Variants in MVK observed in about 807,000 individuals in gnomAD.
MVK encodes mevalonate kinase.
Under a neutral mutation model 43.2 loss-of-function variants are expected in MVK, and 34 were observed. The ratio of observed to expected loss-of-function variants is 0.79; its 90% CI spans 0.60 to 1.05. The LOEUF is 1.05. MVK is among the 50% of genes least tolerant of loss of function. The pLI is 0.00. For synonymous variants in MVK, 190 were observed against 219.8 expected, an observed-to-expected ratio of 0.86 and a Z score of 1.20; for missense variants, 395 against 504.0, an observed-to-expected ratio of 0.78 and a Z score of 2.07.
Position 109,587,998 on chromosome 12 carries a change from C to A in MVK, c.677+1199C>A, listed in dbSNP as rs1334920579. The A allele has an allele frequency of 2.9e-5, 3 of 105,026 alleles. No individual in the cohort carries two copies. The East Asian group carries it at 7.9e-4, about 28-fold the overall frequency. 6.5% of individuals were successfully genotyped at this position (105,026 alleles called of 1,614,324 possible). A position where few individuals can be genotyped will look rare whatever the true frequency, so the allele number is the denominator to read the frequency against. ...CCCTTGGGAGGCAGAATCACCCTTG[C>A]CGCCGACCTTTGCACTCCGCAGAAG... On this transcript the variant is annotated intron_variant, in intron 7 of 10. Coordinates refer to ENST00000228510, the MANE Select transcript of MVK (RefSeq NM_000431.4).
intron 7 of MVK, chr12:109,588,395 A>G (rs1046281921): frequency 5.3e-5 from 8 of 152,318 alleles, no homozygotes; most frequent in African/African-American, 1.9e-4. Context: ...CCCTGGAGCT[A>G]GAAAACTGAT....
chr12:109,594,515 A>G (rs775245915), intron 9 of MVK, among the ~76,000 whole-genome samples: 3 of 152,230 alleles, frequency 2.0e-5, no homozygotes, highest in Non-Finnish European at 4.4e-5. Flanking sequence ...AAGGGAATGT[A>G]TTGGCTCTCA....
In MVK at chr12:109,594,951, G is replaced by A. The variant is rs548149351; in HGVS notation, c.886-77G>A. On this transcript the variant is annotated intron_variant, in intron 9 of 10. Coordinates refer to ENST00000228510, the MANE Select transcript of MVK (RefSeq NM_000431.4). Reference sequence around the variant, plus strand: ...TCCAGCCAACAACTGTCAGATGGACGAGGCAGGCTCAGGGGTGGGCATAGG... The same window carrying A: ...TCCAGCCAACAACTGTCAGATGGACAAGGCAGGCTCAGGGGTGGGCATAGG... 689 of 1,586,506 alleles carry A rather than the reference G, an allele frequency of 4.3e-4. 1 individual carries two copies. The highest frequency in any genetic ancestry group is 1.2e-3 in the Middle Eastern group (7 of 6,008).
At position 109,574,794 on chromosome 12, in the gene MVK, G is replaced by T; in HGVS notation, c.-14-15G>T. The stretch of plus-strand genomic sequence containing the variant: ...TCTAGAGATCTTTGCTCTTCTCATT[G>T]GCTTTCCCTTTTAGGATTCCCAGGA... On this transcript the variant is annotated splice_polypyrimidine_tract_variant and intron_variant, in intron 1 of 10. Transcript: ENST00000228510. The T allele has an allele frequency of 6.4e-7, 1 of 1,571,034 alleles. No individual in the cohort carries two copies. Among genetic ancestry groups the T allele is most frequent in the Non-Finnish European group, 8.7e-7 (1 of 1,155,184 alleles).
intron 4 of MVK, 91 bp downstream of exon 4, chr12:109,580,037 G>A (rs1001860333): frequency 4.5e-6 from 7 of 1,571,194 alleles, no homozygotes; most frequent in Admixed American, 3.4e-5. Flanking sequence ...GAATGCACAT[G>A]CTCTCTTCTA....
At position 109,591,295 on chromosome 12, in the gene MVK, T is replaced by A; in HGVS notation, c.823T>A (p.Cys275Ser). Residue 275 changes from cysteine to serine, a missense_variant, in exon 9 of 11, where the codon TGT becomes AGT. By Grantham distance (112) the Cys-to-Ser change is moderately radical. Coordinates refer to ENST00000228510, the MANE Select transcript of MVK (RefSeq NM_000431.4). ...CTCAATAGATGCCATCTCCCTGGAG[T>A]GTGAGCGCGTGCTGGGAGAGATGGG... ...LTSIDAISLE[C>S]ERVLGEMGEA... 1 of 1,613,884 alleles carries A rather than the reference T, an allele frequency of 6.2e-7. No homozygotes were observed. The highest frequency in any genetic ancestry group is 1.1e-5 in the South Asian group (1 of 91,068).
rs946148392 is a variant in MVK, at chr12:109,581,320, G to A, written c.372-75G>A. ...ACCAGATGCTTGGAGTCAGGCCTGG[G>A]CCTGGCCCCTGGTTCAGTGCTGGCA... On this transcript the variant is annotated intron_variant, in intron 4 of 10. Coordinates refer to ENST00000228510, the MANE Select transcript of MVK (RefSeq NM_000431.4). The A allele has an allele frequency of 5.0e-6, 8 of 1,593,664 alleles. No individual in the cohort carries two copies. The African/African-American group carries it at 9.4e-5, about 19-fold the overall frequency.
intron 10 of MVK, 105 bp from the exon 11 acceptor site, chr12:109,596,321 G>A (rs1437519276): frequency 2.0e-6 from 3 of 1,507,948 alleles, no homozygotes; most frequent in Middle Eastern, 3.4e-4. Flanking sequence ...GTGGGTCACA[G>A]CCAGGAAGGC....
chr12:109,580,739 C>A (rs1028710205), intron 4 of MVK, among the ~76,000 whole-genome samples: 4 of 152,150 alleles, frequency 2.6e-5, no homozygotes, highest in Non-Finnish European at 5.9e-5. Context: ...TGAAGTTTGA[C>A]AGTTCTTGCT....
Position 109,586,981 on chromosome 12 carries a change from CCTT to C in MVK, c.677+185_677+187del, listed in dbSNP as rs1316117896. ...GGGTGGTGGGGAAGACCTGCTCTCTCCTTCTCCCCTTCAGCTCTTAAATTGCAG... is the reference window on the plus strand; with the variant it reads ...GGGTGGTGGGGAAGACCTGCTCTCTCCTCCCCTTCAGCTCTTAAATTGCAG... On this transcript the variant is annotated intron_variant, in intron 7 of 10. Transcript: ENST00000228510. The C allele has an allele frequency of 4.6e-5, 30 of 655,184 alleles. No individual in the cohort carries two copies. In the South Asian group the frequency reaches 4.8e-4, roughly 11 times the overall value. 40.6% of individuals were successfully genotyped at this position (655,184 alleles called of 1,614,324 possible).
In MVK at chr12:109,577,840, G is replaced by A. The variant is rs554311334; in HGVS notation, c.226+1695G>A. 7.2e-5 allele frequency among the ~76,000 whole-genome samples: 11 copies of A among 152,286 alleles called. No individual in the cohort carries two copies. The South Asian group carries it at 2.1e-3, about 29-fold the overall frequency. ...CAGTTAAAAGCCACTCCTTTGGAGC[G>A]TGCATCTGAAAACAACCAGCCAGAG... On this transcript the variant is annotated intron_variant, in intron 3 of 10. Transcript: ENST00000228510.
At chr12:109,590,403 C>G (rs1404589309) in intron 7 of MVK, 2 of 358,630 alleles carry the variant, frequency 5.6e-6, no homozygotes, top group African/African-American at 4.2e-5. Flanking sequence ...TGCTTGGTGG[C>G]TTCTTACCCT....
rs1188357013 is a variant in MVK, at chr12:109,597,749, T to C, written c.*1172T>C. ...TTAGCCATCAGGAAACCCTTGTAGT[T>C]GGTGCCTTGCCAGCCAGAACCTCTG... On this transcript the variant is annotated 3_prime_UTR_variant, in exon 11 of 11. Transcript: ENST00000228510. 6.6e-6 allele frequency: 1 copy of C among 152,200 alleles called. No homozygotes were observed. The highest frequency in any genetic ancestry group is 1.5e-5 in the Non-Finnish European group (1 of 68,062). The allele number at this position is 152,200 out of a possible 1,614,324, so 9.4% of individuals were successfully genotyped here. A position where few individuals can be genotyped will look rare whatever the true frequency, so the allele number is the denominator to read the frequency against.
chr12:109,577,575 C>G (rs1885013234), intron 3 of MVK, among the ~76,000 whole-genome samples: 1 of 152,154 alleles, frequency 6.6e-6, no homozygotes, highest in Admixed American at 6.5e-5. Flanking sequence ...CCTTGGGCTC[C>G]CAAAGTGCTG....
intron 5 of MVK, among the ~76,000 whole-genome samples, chr12:109,582,088 C>G (rs777951170): frequency 2.6e-5 from 4 of 152,230 alleles, no homozygotes; most frequent in Non-Finnish European, 5.9e-5. Context: ...CGTGTCACCT[C>G]TCTGCGTTCC....
intron 9 of MVK, among the ~76,000 whole-genome samples, chr12:109,593,746 A>G (rs1479543448): frequency 3.0e-5 from 4 of 134,072 alleles, no homozygotes; most frequent in African/African-American, 8.8e-5. Flanking sequence ...TTTGAGACAG[A>G]GTCATCTTGC....
At chr12:109,591,443 TC>T in intron 9 of MVK, 86 bp downstream of exon 9, 1 of 1,329,028 alleles carries the variant, frequency 7.5e-7, no homozygotes. Flanking sequence ...GTGCTCAGAA[TC>T]CCCCGGAAGC....
intron 3 of MVK, among the ~76,000 whole-genome samples, chr12:109,578,114 G>A (rs969790443): frequency 1.3e-5 from 2 of 152,178 alleles, no homozygotes; most frequent in African/African-American, 4.8e-5. Context: ...ACTGGAGGCA[G>A]GCATTAGGGG....
rs1885868403 is a variant in MVK at position 109,595,212 on chromosome 12, A to C, written c.1039+31A>C. ...CCGGGGGTAGGTGGGCCAGGCTGCC[A>C]GCCTGGGCTCCTAAGAGGGGTCCAC... On this transcript the variant is annotated intron_variant, in intron 10 of 10. Transcript: ENST00000228510. This position sits in a 1 kb window ranked among gnomAD's most constrained non-coding sequence, Gnocchi z 5.9. 6.2e-7 allele frequency: 1 copy of C among 1,613,126 alleles called. No homozygotes were observed. Among genetic ancestry groups the C allele is most frequent in the Non-Finnish European group, 8.5e-7 (1 of 1,179,920 alleles).
Sources: allele counts gnomAD v4.1 joint callset (sites outside exome capture counted in the v4.1 genomes callset), GRCh38; gene constraint gnomAD v4.1.1; non-coding constraint Gnocchi (gnomAD v3.1); transcripts MANE v1.5; gene names NCBI Gene and HGNC (gene_info 2026-07-23, HGNC 2026-07-21).